UBE2H: variants seen among roughly 807,000 people sequenced by gnomAD.
UBE2H encodes the protein ubiquitin conjugating enzyme E2 H, also known as ubiquitin-conjugating enzyme E2 H.
A neutral mutation model predicts 29.0 loss-of-function variants in UBE2H; 3 were observed. The ratio of observed to expected loss-of-function variants is 0.10; its 90% CI spans 0.05 to 0.27. The LOEUF (loss-of-function observed/expected upper bound fraction) is 0.27. Among genes scored for constraint, UBE2H ranks in the 10% least tolerant of loss-of-function variants. UBE2H has a pLI of 1.00. For missense variants in UBE2H, 68 were observed against 228.2 expected (o/e 0.30, Z 4.52); for synonymous variants, 69 against 82.9 (o/e 0.83, Z 0.91).
intron 1 of UBE2H, among the ~76,000 whole-genome samples, chr7:129,936,719 G>C (rs1362551365): frequency 6.6e-6 from 1 of 151,528 alleles, no homozygotes; most frequent in Non-Finnish European, 1.5e-5. Flanking sequence ...CACTTTGGGA[G>C]GCCAAGGCAG....
intron 1 of UBE2H, among the ~76,000 whole-genome samples, chr7:129,924,133 A>T (rs796169699): frequency 8.5e-5 from 13 of 152,318 alleles, no homozygotes; most frequent in African/African-American, 3.1e-4. Flanking sequence ...GCACTTCAGG[A>T]GGCCAAAGTA....
At chr7:129,949,164 C>T in intron 1 of UBE2H, 2 of 345,970 alleles carry the variant, frequency 5.8e-6, no homozygotes, top group Non-Finnish European at 1.2e-5. Context: ...TAACCCCCAC[C>T]AACAAGGAAA....
At chr7:129,935,044 TAG>T (rs1182991835) in intron 1 of UBE2H, among the ~76,000 whole-genome samples, 8 of 151,064 alleles carry the variant, frequency 5.3e-5, no homozygotes, top group African/African-American at 1.9e-4. Flanking sequence ...CACCACAAAA[TAG>T]AGGTGAAAGG....
At chr7:129,940,061 CTAAG>C (rs749989533) in intron 1 of UBE2H, among the ~76,000 whole-genome samples, 29 of 152,094 alleles carry the variant, frequency 1.9e-4, no homozygotes, top group Non-Finnish European at 3.8e-4. Flanking sequence ...TTTTGCTAGG[CTAAG>C]TGACAGCCCA....
At chr7:129,947,657 A>C (rs1333723046) in intron 1 of UBE2H, among the ~76,000 whole-genome samples, 2 of 152,188 alleles carry the variant, frequency 1.3e-5, no homozygotes, top group Admixed American at 1.3e-4. Flanking sequence ...TAACCTTTCT[A>C]TTCCTTGAAA....
chr7:129,927,392 T>C (rs781332596), intron 1 of UBE2H, among the ~76,000 whole-genome samples: 4 of 152,020 alleles, frequency 2.6e-5, no homozygotes, highest in Admixed American at 6.6e-5. Context: ...ATACAAAAAT[T>C]AGCCGGGCGT....
chr7:129,928,420 T>C (rs992808872), intron 1 of UBE2H, among the ~76,000 whole-genome samples: 1 of 152,130 alleles, frequency 6.6e-6, no homozygotes, highest in African/African-American at 2.4e-5. Flanking sequence ...CTCGCCAACA[T>C]GGTGAAACCT....
At chr7:129,950,742 C>T (rs1807857305) in intron 1 of UBE2H, among the ~76,000 whole-genome samples, 1 of 152,152 alleles carries the variant, frequency 6.6e-6, no homozygotes, top group South Asian at 2.1e-4. Flanking sequence ...ATGTCATTTC[C>T]TAGTTTCTAA....
At chr7:129,896,876 G>C (rs1319371402) in intron 1 of UBE2H, among the ~76,000 whole-genome samples, 1 of 152,082 alleles carries the variant, frequency 6.6e-6, no homozygotes, top group Non-Finnish European at 1.5e-5. Context: ...AATTTTACGA[G>C]GAAATATTTT....
At position 129,897,525 on chromosome 7, in the gene UBE2H, C is replaced by T. The variant is rs113883308; in HGVS notation, c.54-16554G>A. 1.9e-3 allele frequency among the ~76,000 whole-genome samples: 293 copies of T among 152,214 alleles called. 1 individual carries two copies. The highest frequency in any genetic ancestry group is 6.6e-3 in the African/African-American group (272 of 41,524). On this transcript the variant is annotated intron_variant, in intron 1 of 6. Coordinates refer to ENST00000355621, the MANE Select transcript of UBE2H (RefSeq NM_003344.4). ...AAAAGGGGAAGAGAATACTAGACTT[C>T]GGCCTTTTTAAAGCAATACATGCAA... is the stretch of plus-strand genomic sequence containing the variant.
At chr7:129,942,046 C>T (rs757460057) in intron 1 of UBE2H, among the ~76,000 whole-genome samples, 8 of 151,540 alleles carry the variant, frequency 5.3e-5, no homozygotes, top group Non-Finnish European at 8.8e-5. Flanking sequence ...CCTGTTTCTA[C>T]GAAAAATACA....
At chr7:129,849,486 GA>G (rs1163524610) in intron 5 of UBE2H, among the ~76,000 whole-genome samples, 2 of 152,144 alleles carry the variant, frequency 1.3e-5, no homozygotes, top group African/African-American at 4.8e-5. Context: ...GCTGAGGCAG[GA>G]GAATCGCTTG....
At chr7:129,940,962 C>CT (rs952831204) in intron 1 of UBE2H, among the ~76,000 whole-genome samples, 9 of 151,590 alleles carry the variant, frequency 5.9e-5, no homozygotes, top group South Asian at 4.2e-4. Context: ...AAACTGGAAT[C>CT]TTTTTTTTTG....
intron 1 of UBE2H, among the ~76,000 whole-genome samples, chr7:129,909,427 A>G (rs1192959536): frequency 6.6e-6 from 1 of 152,218 alleles, no homozygotes; most frequent in East Asian, 1.9e-4. Flanking sequence ...CTGCAAGGCC[A>G]TGAAAAACAT....
At chr7:129,922,885 T>C (rs187531564) in intron 1 of UBE2H, among the ~76,000 whole-genome samples, 3 of 152,092 alleles carry the variant, frequency 2.0e-5, no homozygotes, top group Admixed American at 2.0e-4. Flanking sequence ...AGTGCCTGGC[T>C]TGTATCTGAG....
chr7:129,934,909 A>ATG (rs541486041), intron 1 of UBE2H, among the ~76,000 whole-genome samples: 4 of 141,836 alleles, frequency 2.8e-5, no homozygotes, highest in South Asian at 4.6e-4. Context: ...AAGTATATAT[A>ATG]TGTGTGTGTG....
At chr7:129,862,111 T>A (rs1805814659) in intron 3 of UBE2H, among the ~76,000 whole-genome samples, 1 of 152,126 alleles carries the variant, frequency 6.6e-6, no homozygotes, top group South Asian at 2.1e-4. Flanking sequence ...CAGTTATATA[T>A]AGGAGTATGC....
intron 1 of UBE2H, among the ~76,000 whole-genome samples, chr7:129,950,937 ATACTT>A (rs947974436): frequency 3.9e-5 from 6 of 152,180 alleles, no homozygotes; most frequent in African/African-American, 9.7e-5. Flanking sequence ...TGGGTACACT[ATACTT>A]TATTAGTTGC....
At position 129,834,510 on chromosome 7, in the gene UBE2H, T is replaced by C. The variant is rs989551872; in HGVS notation, c.*427A>G. ...TTCCTCCCCAAGTTTTTCCTCTCCA[T>C]TTCAAAAAAGCACTATTTTATCTTC... On this transcript the variant is annotated 3_prime_UTR_variant, in exon 7 of 7. Coordinates refer to ENST00000355621, the MANE Select transcript of UBE2H (RefSeq NM_003344.4). 1.3e-5 allele frequency: 2 copies of C among 155,492 alleles called. No individual in the cohort carries two copies. The highest frequency in any genetic ancestry group is 4.8e-5 in the African/African-American group (2 of 41,438). The allele number at this position is 155,492 out of a possible 1,614,324, so 9.6% of individuals were successfully genotyped here. A position where few individuals can be genotyped will look rare whatever the true frequency, so the allele number is the denominator to read the frequency against.
Sources: allele counts gnomAD v4.1 joint callset (sites outside exome capture counted in the v4.1 genomes callset), GRCh38; gene constraint gnomAD v4.1.1; transcripts MANE v1.5; gene names NCBI Gene and HGNC (gene_info 2026-07-23, HGNC 2026-07-21).